Variants in NRXN3 observed in about 807,000 individuals in gnomAD.
The protein encoded by NRXN3 is neurexin III.
Under a neutral mutation model 137.6 loss-of-function variants are expected in NRXN3, and 32 were observed. The ratio of observed to expected loss-of-function variants is 0.23; its 90% CI spans 0.18 to 0.31. The LOEUF (loss-of-function observed/expected upper bound fraction) is 0.31. Among genes scored for constraint, NRXN3 ranks in the 10% least tolerant of loss-of-function variants. NRXN3 has a pLI of 1.00. For missense variants in NRXN3, 1,574 were observed against 2,062.5 expected, an observed-to-expected ratio of 0.76 and a Z score of 4.59; for synonymous variants, 798 against 784.5, an observed-to-expected ratio of 1.02 and a Z score of -0.29.
At chr14:79,566,395 T>C (rs567927177) in intron 16 of NRXN3, among the ~76,000 whole-genome samples, 1 of 152,194 alleles carries the variant, frequency 6.6e-6, no homozygotes, top group Admixed American at 6.5e-5. Flanking sequence ...CCTTGACCAC[T>C]GAGTAGTACC....
intron 15 of NRXN3, among the ~76,000 whole-genome samples, chr14:79,358,447 G>C (rs1254336892): frequency 6.6e-6 from 1 of 151,180 alleles, no homozygotes; most frequent in African/African-American, 2.4e-5. Flanking sequence ...GGTGGCGGGC[G>C]CCTGTAGTCC....
chr14:79,604,197 A>G (rs2097966286), intron 16 of NRXN3, among the ~76,000 whole-genome samples: 1 of 151,308 alleles, frequency 6.6e-6, no homozygotes, highest in Admixed American at 6.6e-5. Context: ...TGCCAGAACA[A>G]TCCTATTTTC....
chr14:78,595,924 C>A (rs962285720), intron 4 of NRXN3, among the ~76,000 whole-genome samples: 2 of 152,126 alleles, frequency 1.3e-5, no homozygotes, highest in Non-Finnish European at 2.9e-5. Flanking sequence ...CAATTTTAGA[C>A]CCCAAGGGGA....
At chr14:79,056,375 C>T (rs752684919) in intron 15 of NRXN3, among the ~76,000 whole-genome samples, 1 of 149,468 alleles carries the variant, frequency 6.7e-6, no homozygotes, top group Non-Finnish European at 1.5e-5. Context: ...TACCATTCAT[C>T]TCTGAATGTA....
At chr14:78,647,678 T>G (rs147448896) in intron 5 of NRXN3, among the ~76,000 whole-genome samples, 1 of 152,336 alleles carries the variant, frequency 6.6e-6, no homozygotes, top group Non-Finnish European at 1.5e-5. Flanking sequence ...TGAACCTCAT[T>G]GAAATTCTGA....
chr14:79,457,692 C>T (rs1304150729), intron 15 of NRXN3, among the ~76,000 whole-genome samples: 1 of 152,174 alleles, frequency 6.6e-6, no homozygotes, highest in Admixed American at 6.5e-5. Flanking sequence ...CCCCTGGCCT[C>T]TTGTAAGTAT....
At chr14:79,295,430 A>T (rs1375343474) in intron 15 of NRXN3, among the ~76,000 whole-genome samples, 1 of 152,158 alleles carries the variant, frequency 6.6e-6, no homozygotes, top group African/African-American at 2.4e-5. Context: ...ACTCTTTCAA[A>T]TGTCTCTCCA....
chr14:79,708,601 A>C (rs1056096481), intron 19 of NRXN3, among the ~76,000 whole-genome samples: 10 of 152,004 alleles, frequency 6.6e-5, no homozygotes, highest in African/African-American at 1.4e-4. Context: ...GGATATTTCC[A>C]TTATGTCTAT....
chr14:78,334,969 G>A (rs1413632164), intron 4 of NRXN3, among the ~76,000 whole-genome samples: 6 of 152,132 alleles, frequency 3.9e-5, no homozygotes, highest in Admixed American at 3.9e-4. Flanking sequence ...TCTCCATGAA[G>A]GAAACAGGAA....
chr14:78,339,120 G>A (rs1375215343), intron 4 of NRXN3, among the ~76,000 whole-genome samples: 2 of 152,150 alleles, frequency 1.3e-5, no homozygotes, highest in Admixed American at 1.3e-4. Flanking sequence ...CTAGGGGCTG[G>A]CTGCTCCCAC....
intron 4 of NRXN3, among the ~76,000 whole-genome samples, chr14:78,459,719 A>T (rs2094862353): frequency 6.6e-6 from 1 of 152,146 alleles, no homozygotes; most frequent in Non-Finnish European, 1.5e-5. Context: ...GTAAGCATAC[A>T]AAAAAACAAA....
At chr14:79,664,889 A>G (rs562577915) in intron 17 of NRXN3, among the ~76,000 whole-genome samples, 5 of 152,122 alleles carry the variant, frequency 3.3e-5, no homozygotes, top group African/African-American at 7.2e-5. Flanking sequence ...GTGATGTGCT[A>G]CTCTCTATCC....
At chr14:78,748,153 G>A (rs2098621344) in intron 8 of NRXN3, among the ~76,000 whole-genome samples, 1 of 152,088 alleles carries the variant, frequency 6.6e-6, no homozygotes, top group African/African-American at 2.4e-5. Context: ...GCTAGGTTCA[G>A]GGGATATATA....
intron 8 of NRXN3, among the ~76,000 whole-genome samples, chr14:78,716,339 A>G (rs372879860): frequency 3.3e-5 from 5 of 152,316 alleles, no homozygotes; most frequent in East Asian, 1.9e-4. Context: ...TCTATATTCA[A>G]TGAAAGGATA....
intron 1 of NRXN3, among the ~76,000 whole-genome samples, chr14:78,186,292 G>A (rs970518463): frequency 6.6e-6 from 1 of 152,266 alleles, no homozygotes; most frequent in African/African-American, 2.4e-5. Flanking sequence ...GAATCTTTTA[G>A]GGGATCCTGA....
At chr14:78,544,906 AG>A (rs1171624311) in intron 4 of NRXN3, among the ~76,000 whole-genome samples, 1 of 152,210 alleles carries the variant, frequency 6.6e-6, no homozygotes, top group African/African-American at 2.4e-5. Flanking sequence ...GGTTTGCCCA[AG>A]AGACAGCAGG....
rs548139207 is a variant in NRXN3 at position 79,654,203 on chromosome 14, T to C, written c.3445-9575T>C. On this transcript the variant is annotated intron_variant, in intron 16 of 20. Coordinates refer to ENST00000335750, the MANE Select transcript of NRXN3 (RefSeq NM_001330195.2). ...CTTCCAATAGGTGAATGAGCAGGTA[T>C]GTTACAGGTTCCTCATTTGATCCTC... Among the ~76,000 whole-genome samples the C allele has an allele frequency of 2.5e-3, 382 of 152,268 alleles. 2 individuals are homozygous for C. The highest frequency in any genetic ancestry group is 8.8e-3 in the African/African-American group (367 of 41,542).
intron 15 of NRXN3, among the ~76,000 whole-genome samples, chr14:79,030,547 T>G (rs954239419): frequency 6.6e-6 from 1 of 151,836 alleles, no homozygotes; most frequent in Non-Finnish European, 1.5e-5. Flanking sequence ...GTAAGTATCT[T>G]TGCAGTTTTC....
intron 2 of NRXN3, among the ~76,000 whole-genome samples, chr14:78,264,459 G>A (rs1330676138): frequency 6.6e-6 from 1 of 152,134 alleles, no homozygotes; most frequent in Non-Finnish European, 1.5e-5. Flanking sequence ...ATCCTCTCTT[G>A]TGGAAAATTA....
Sources: gnomAD v4.1 joint callset for allele counts (sites outside exome capture counted in the v4.1 genomes callset) on GRCh38, gnomAD v4.1.1 for gene constraint, MANE v1.5 for transcripts, NCBI Gene and HGNC (gene_info 2026-07-23, HGNC 2026-07-21) for gene names.